The following PLEKHA2 variants were observed in gnomAD, a reference collection of about 807,000 sequenced individuals.
PLEKHA2 encodes the protein pleckstrin homology domain-containing family A member 2.
In PLEKHA2, 28 loss-of-function variants were observed where a neutral mutation model predicts 53.2. That is an observed-to-expected ratio of 0.53 (90% CI 0.39 to 0.72). PLEKHA2 has a LOEUF of 0.72. Ranked by LOEUF, PLEKHA2 falls within the 30% of genes least tolerant of loss-of-function variation. The probability of loss-of-function intolerance (pLI) is 0.00; values close to 1 mark genes in which losing one functional copy is unlikely to be tolerated. For missense variants in PLEKHA2, 426 were observed against 537.9 expected, an observed-to-expected ratio of 0.79 and a Z score of 2.06; for synonymous variants, 193 against 196.4, an observed-to-expected ratio of 0.98 and a Z score of 0.14.
intron 2 of PLEKHA2, among the ~76,000 whole-genome samples, chr8:38,925,627 T>C (rs985960736): frequency 1.3e-5 from 2 of 152,266 alleles, no homozygotes; most frequent in Non-Finnish European, 2.9e-5. Context: ...TGAAAGCCCT[T>C]TGCTTTTATT....
chr8:38,929,694 C>T (rs963413243), intron 2 of PLEKHA2, among the ~76,000 whole-genome samples: 2 of 152,130 alleles, frequency 1.3e-5, no homozygotes, highest in African/African-American at 4.8e-5. Context: ...TGTTAGTTTC[C>T]TTCTTTCTTT....
At chr8:38,944,496 C>G (rs898177079) in intron 4 of PLEKHA2, among the ~76,000 whole-genome samples, 4 of 122,572 alleles carry the variant, frequency 3.3e-5, no homozygotes, top group Admixed American at 3.1e-4. Flanking sequence ...TACTCCACCT[C>G]AAAAAAAGAA....
At chr8:38,953,602 C>A (rs758070668) in intron 9 of PLEKHA2, among the ~76,000 whole-genome samples, 1 of 152,052 alleles carries the variant, frequency 6.6e-6, no homozygotes, top group African/African-American at 2.4e-5. Flanking sequence ...GATAGGCCTA[C>A]GTAATAGTTT....
intron 2 of PLEKHA2, among the ~76,000 whole-genome samples, chr8:38,935,704 C>A (rs1273673542): frequency 6.6e-6 from 1 of 152,190 alleles, no homozygotes; most frequent in African/African-American, 2.4e-5. Context: ...CAGGCATGAA[C>A]CAGTATGCCC....
At chr8:38,932,953 G>A (rs1258817340) in intron 2 of PLEKHA2, among the ~76,000 whole-genome samples, 1 of 152,172 alleles carries the variant, frequency 6.6e-6, no homozygotes, top group Non-Finnish European at 1.5e-5. Context: ...CTGGAGAGTG[G>A]CTGCGGCATC....
At chr8:38,910,084 G>A (rs1361594706) in intron 1 of PLEKHA2, among the ~76,000 whole-genome samples, 4 of 151,658 alleles carry the variant, frequency 2.6e-5, no homozygotes, top group Non-Finnish European at 5.9e-5. Flanking sequence ...AGCCTCCTGA[G>A]TAGCTGGGAC....
At chr8:38,963,473 C>T (rs1160631478) in intron 10 of PLEKHA2, among the ~76,000 whole-genome samples, 2 of 152,250 alleles carry the variant, frequency 1.3e-5, no homozygotes, top group South Asian at 4.2e-4. Context: ...AAGCTAAGCA[C>T]AGGCTTTCCG....
intron 2 of PLEKHA2, among the ~76,000 whole-genome samples, chr8:38,923,662 C>T (rs1834232901): frequency 6.6e-6 from 1 of 152,158 alleles, no homozygotes; most frequent in South Asian, 2.1e-4. Flanking sequence ...ACAAGACAGT[C>T]TTTGCCTTCA....
At chr8:38,955,208 C>T (rs974797079) in intron 9 of PLEKHA2, among the ~76,000 whole-genome samples, 6 of 152,280 alleles carry the variant, frequency 3.9e-5, no homozygotes, top group East Asian at 1.9e-4. Context: ...CCCTCACCCC[C>T]CTCCTGCCCT....
At chr8:38,948,991 C>T (rs1315119005) in intron 5 of PLEKHA2, among the ~76,000 whole-genome samples, 1 of 152,104 alleles carries the variant, frequency 6.6e-6, no homozygotes, top group Non-Finnish European at 1.5e-5. Context: ...CTGCCTCAGC[C>T]TCCTGAGTAG....
intron 2 of PLEKHA2, among the ~76,000 whole-genome samples, chr8:38,925,939 T>C (rs1181279618): frequency 6.6e-6 from 1 of 152,242 alleles, no homozygotes; most frequent in Admixed American, 6.5e-5. Context: ...GAAATAATGT[T>C]CTTTAAAAAT....
At chr8:38,957,777 G>C (rs1834969004) in intron 10 of PLEKHA2, among the ~76,000 whole-genome samples, 1 of 152,200 alleles carries the variant, frequency 6.6e-6, no homozygotes, top group South Asian at 2.1e-4. Flanking sequence ...GCCCTGTGCA[G>C]GCACCAGGTG....
chr8:38,963,176 G>A (rs990792478), intron 10 of PLEKHA2, among the ~76,000 whole-genome samples: 1 of 152,136 alleles, frequency 6.6e-6, no homozygotes, highest in African/African-American at 2.4e-5. Flanking sequence ...AGGCTGCAAC[G>A]ATTCATTTTA....
At chr8:38,925,833 T>TA (rs1564117742) in intron 2 of PLEKHA2, among the ~76,000 whole-genome samples, 2 of 152,360 alleles carry the variant, frequency 1.3e-5, no homozygotes, top group Admixed American at 6.5e-5. Context: ...GGTGTTTTTT[T>TA]AAAAAAACGT....
rs566216631 is a variant in PLEKHA2 at position 38,973,513 on chromosome 8, C to G, written c.*3730C>G. The G allele has an allele frequency of 6.6e-6, 1 of 151,462 alleles. No homozygotes were observed. Among genetic ancestry groups the G allele is most frequent in the South Asian group, 2.1e-4 (1 of 4,764 alleles). 9.4% of individuals were successfully genotyped at this position (151,462 alleles called of 1,614,324 possible). A position where few individuals can be genotyped will look rare whatever the true frequency, so the allele number is the denominator to read the frequency against. On this transcript the variant is annotated 3_prime_UTR_variant, in exon 12 of 12. Coordinates refer to ENST00000617275, the MANE Select transcript of PLEKHA2 (RefSeq NM_021623.2). ...ACAGCATTTTGGAAATTGAGTGTCC[C>G]CAAGTGAGCTTTGTTTATAAACTTT...
At chr8:38,928,902 G>T (rs913322847) in intron 2 of PLEKHA2, among the ~76,000 whole-genome samples, 1 of 152,100 alleles carries the variant, frequency 6.6e-6, no homozygotes, top group Non-Finnish European at 1.5e-5. Context: ...GTAGAGCCAC[G>T]GCCCAGGTCA....
rs989601800 is a variant in PLEKHA2 at position 38,917,887 on chromosome 8, C to T, written c.-23-20C>T. Reference sequence around the variant, plus strand: ...GCTGCTTCATCTTCCTTCTCATCAGCACCTCCCTCCTGCGCGCAGGGTGAT... The same window carrying T: ...GCTGCTTCATCTTCCTTCTCATCAGTACCTCCCTCCTGCGCGCAGGGTGAT... On this transcript the variant is annotated intron_variant, in intron 1 of 11. Transcript: ENST00000617275. 11 of 1,601,242 alleles carry T rather than the reference C, an allele frequency of 6.9e-6. No homozygotes were observed. Among genetic ancestry groups the T allele is most frequent in the African/African-American group, 2.7e-5 (2 of 74,650 alleles).
chr8:38,902,224 G>C (rs1012472358), intron 1 of PLEKHA2, among the ~76,000 whole-genome samples: 9 of 136,978 alleles, frequency 6.6e-5, no homozygotes, highest in Non-Finnish European at 1.1e-4. Flanking sequence ...AGGGTGTGGG[G>C]GGGGGTGGTG....
chr8:38,915,862 G>A (rs1390768054), intron 1 of PLEKHA2, among the ~76,000 whole-genome samples: 2 of 152,140 alleles, frequency 1.3e-5, no homozygotes, highest in African/African-American at 4.8e-5. Context: ...GTACGTAGTA[G>A]GTGTATATAT....
Sources: allele counts gnomAD v4.1 joint callset (sites outside exome capture counted in the v4.1 genomes callset), GRCh38; gene constraint gnomAD v4.1.1; transcripts MANE v1.5; gene names NCBI Gene and HGNC (gene_info 2026-07-23, HGNC 2026-07-21).